IL17RD: variants seen among roughly 807,000 people sequenced by gnomAD.
IL17RD encodes interleukin 17 receptor D.
A neutral mutation model predicts 80.5 loss-of-function variants in IL17RD; 52 were observed. The ratio of observed to expected loss-of-function variants is 0.65; its 90% confidence interval spans 0.52 to 0.81. The LOEUF (loss-of-function observed/expected upper bound fraction) is 0.81, where lower values mean the gene tolerates loss of function less well. IL17RD is among the 40% of genes least tolerant of loss of function. The probability of loss-of-function intolerance (pLI) is 0.00; values close to 1 mark genes in which losing one functional copy is unlikely to be tolerated. For synonymous variants in IL17RD, 416 were observed against 391.8 expected, an observed-to-expected ratio of 1.06 and a Z score of -0.73; for missense variants, 1,024 against 955.1, an observed-to-expected ratio of 1.07 and a Z score of -0.95.
chr3:57,146,036 C>CACGT (rs61094060), intron 1 of IL17RD, among the ~76,000 whole-genome samples: 3 of 138,252 alleles, frequency 2.2e-5, no homozygotes, highest in Admixed American at 7.3e-5. Flanking sequence ...CACTCACGCG[C>CACGT]GCGCGCGCGC....
At chr3:57,099,532 C>T (rs1034880128) in intron 11 of IL17RD, among the ~76,000 whole-genome samples, 4 of 152,324 alleles carry the variant, frequency 2.6e-5, no homozygotes, top group South Asian at 4.1e-4. Flanking sequence ...CATTCTGAAA[C>T]GACTTTGTTC....
intron 10 of IL17RD, 124 bp downstream of exon 10, chr3:57,102,355 T>G (rs957575565): frequency 1.8e-5 from 8 of 442,656 alleles, no homozygotes; most frequent in African/African-American, 1.4e-4. Flanking sequence ...AACTGAATAG[T>G]AGGAGCTATG....
intron 1 of IL17RD, 52 bp downstream of exon 1, chr3:57,165,109 C>G (rs1463763718): frequency 2.7e-6 from 4 of 1,464,650 alleles, no homozygotes; most frequent in Non-Finnish European, 3.6e-6. Flanking sequence ...CCTGTGCGCG[C>G]TGCGTCCCCC....
At chr3:57,144,687 T>C (rs1707892262) in intron 1 of IL17RD, among the ~76,000 whole-genome samples, 1 of 151,104 alleles carries the variant, frequency 6.6e-6, no homozygotes, top group South Asian at 2.1e-4. Context: ...ACTAAAACAA[T>C]GCCACGTCAA....
At chr3:57,105,556 T>TAA (rs1706942301) in intron 7 of IL17RD, among the ~76,000 whole-genome samples, 1 of 55,790 alleles carries the variant, frequency 1.8e-5, no homozygotes, top group African/African-American at 7.2e-5. Context: ...AAAAAAAATA[T>TAA]ATATATATAT....
chr3:57,097,891 CT>C lies in IL17RD; in HGVS notation c.1811del (p.Lys604ArgfsTer2). ...KPGPESDFCL[K>X]VEAAVLGATG... The stretch of plus-strand genomic sequence containing the variant: ...TTGCCCCAAGAACAGCCGCCTCTAC[CT>C]TTAGGCAGAAGTCACTCTCAGGCCC... On this transcript the variant is annotated frameshift_variant, in exon 12 of 13. Coordinates refer to ENST00000296318, the MANE Select transcript of IL17RD (RefSeq NM_017563.5). LOFTEE classifies it high-confidence loss of function. 1 of 1,614,012 alleles carries C rather than the reference CT, an allele frequency of 6.2e-7. No homozygotes were observed. The highest frequency in any genetic ancestry group is 8.5e-7 in the Non-Finnish European group (1 of 1,179,896).
Position 57,096,126 on chromosome 3 carries a change from T to C in IL17RD, c.*267A>G. On this transcript the variant is annotated 3_prime_UTR_variant, in exon 13 of 13. Coordinates refer to ENST00000296318, the MANE Select transcript of IL17RD (RefSeq NM_017563.5). ...CCCTACCTCCCACAACAGGCTCTGA[T>C]CCAAGGACTAACCAAATTTGGCAAG... 2.2e-6 allele frequency: 1 copy of C among 456,150 alleles called. No individual in the cohort carries two copies. Among genetic ancestry groups the C allele is most frequent in the Non-Finnish European group, 4.0e-6 (1 of 249,856 alleles). The allele number at this position is 456,150 out of a possible 1,614,324, so 28.3% of individuals were successfully genotyped here. A position where few individuals can be genotyped will look rare whatever the true frequency, so the allele number is the denominator to read the frequency against.
rs367779136 is a variant in IL17RD, at chr3:57,117,199, C to T, written c.185-2382G>A. 4.4e-4 allele frequency among the ~76,000 whole-genome samples: 66 copies of T among 151,722 alleles called. No homozygotes were observed. The East Asian group carries it at 8.0e-3, about 18-fold the overall frequency. Reference sequence around the variant, plus strand: ...CATAATCTCAGCTCACTGCAACCTCCGCCTCCTGGGTTCAAGCAATTCTCC... The same window carrying T: ...CATAATCTCAGCTCACTGCAACCTCTGCCTCCTGGGTTCAAGCAATTCTCC... On this transcript the variant is annotated intron_variant, in intron 2 of 12. Transcript: ENST00000296318.
In IL17RD at chr3:57,102,528, T is replaced by C. The variant is rs775461938; in HGVS notation, c.930A>G (p.Ile310Met). Residue 310 changes from isoleucine to methionine, a missense_variant, in exon 10 of 13, where the codon ATA (isoleucine) becomes ATG (methionine). Coordinates refer to ENST00000296318, the MANE Select transcript of IL17RD (RefSeq NM_017563.5). ...CAGTGAAGAGCGTCGCGAATGCCGA[T>C]ATGACTACCAGTGGCACTGTGATGG... ...AVAITVPLVVISAFATLFTVM... is the reference protein window; with the variant it reads ...AVAITVPLVVMSAFATLFTVM... 1.9e-6 allele frequency: 3 copies of C among 1,578,262 alleles called. No individual in the cohort carries two copies. Among genetic ancestry groups the C allele is most frequent in the East Asian group, 2.3e-5 (1 of 43,804 alleles).
chr3:57,105,166 T>A (rs1706925997), intron 7 of IL17RD, among the ~76,000 whole-genome samples: 1 of 152,070 alleles, frequency 6.6e-6, no homozygotes, highest in Admixed American at 6.6e-5. Context: ...CAGCCTCTGT[T>A]TCATAGAGTG....
At chr3:57,122,547 G>A (rs1003790828) in intron 1 of IL17RD, among the ~76,000 whole-genome samples, 4 of 152,158 alleles carry the variant, frequency 2.6e-5, no homozygotes, top group African/African-American at 9.7e-5. Context: ...GCATACGAGG[G>A]ATCTAGGCTC....
chr3:57,141,479 G>T (rs1019032125), intron 1 of IL17RD, among the ~76,000 whole-genome samples: 2 of 151,988 alleles, frequency 1.3e-5, no homozygotes, highest in African/African-American at 4.8e-5. Flanking sequence ...AATATTCTTT[G>T]TTCTCTAATG....
intron 1 of IL17RD, among the ~76,000 whole-genome samples, chr3:57,149,458 C>T (rs4681720): frequency 0.015 from 2,320 of 152,304 alleles, 76 homozygotes; most frequent in African/African-American, 0.053. Flanking sequence ...GGATGACTTA[C>T]TATTGTCCCT....
chr3:57,123,490 G>A (rs1707383520), intron 1 of IL17RD, among the ~76,000 whole-genome samples: 2 of 152,102 alleles, frequency 1.3e-5, no homozygotes. Flanking sequence ...TATCACCCAG[G>A]TCCCCTCCCC....
chr3:57,128,491 A>G (rs1288383566), intron 1 of IL17RD, among the ~76,000 whole-genome samples: 3 of 152,002 alleles, frequency 2.0e-5, no homozygotes, highest in Non-Finnish European at 4.4e-5. Flanking sequence ...TCAAACTGAA[A>G]GCTCTAGTTT....
At position 57,114,688 on chromosome 3, in the gene IL17RD, T is replaced by C; in HGVS notation, c.310+4A>G. 6.2e-7 allele frequency: 1 copy of C among 1,602,666 alleles called. No homozygotes were observed. Among genetic ancestry groups the C allele is most frequent in the Non-Finnish European group, 8.5e-7 (1 of 1,175,648 alleles). On this transcript the variant is annotated splice_donor_region_variant and intron_variant, in intron 3 of 12. Coordinates refer to ENST00000296318, the MANE Select transcript of IL17RD (RefSeq NM_017563.5). The stretch of plus-strand genomic sequence containing the variant: ...CACCATGCACTCGATTTTTGACCAC[T>C]CACCGAGGGCCCCTGGGGACCAAAG...
chr3:57,162,188 A>C (rs1386886397), intron 1 of IL17RD, among the ~76,000 whole-genome samples: 1 of 152,236 alleles, frequency 6.6e-6, no homozygotes, highest in Non-Finnish European at 1.5e-5. Flanking sequence ...TGCAAGGGCA[A>C]GGGTTCCTGA....
At chr3:57,129,408 T>C (rs879323967) in intron 1 of IL17RD, among the ~76,000 whole-genome samples, 1 of 152,150 alleles carries the variant, frequency 6.6e-6, no homozygotes, top group Non-Finnish European at 1.5e-5. Context: ...TGAGAGGAAA[T>C]GTTCAGATCA....
At chr3:57,134,462 C>A in intron 1 of IL17RD, 1 of 849,812 alleles carries the variant, frequency 1.2e-6, no homozygotes, top group Non-Finnish European at 2.0e-6. Context: ...TGAGAAGATA[C>A]TGTGAATCTA....
Sources: allele counts gnomAD v4.1 joint callset (sites outside exome capture counted in the v4.1 genomes callset), GRCh38; gene constraint gnomAD v4.1.1; transcripts MANE v1.5; gene names NCBI Gene and HGNC (gene_info 2026-07-23, HGNC 2026-07-21).